The following HJURP variants were observed in gnomAD, a reference collection of about 807,000 sequenced individuals.
HJURP encodes 14-3-3-associated AKT substrate.
A neutral mutation model predicts 72.0 loss-of-function variants in HJURP; 49 were observed. That is an observed-to-expected ratio of 0.68 (90% CI 0.54 to 0.86). The LOEUF (loss-of-function observed/expected upper bound fraction) is 0.86. Ranked by LOEUF, HJURP falls within the 40% of genes least tolerant of loss-of-function variation. The pLI is 0.00. For missense variants in HJURP, 908 were observed against 936.3 expected, an observed-to-expected ratio of 0.97 and a Z score of 0.39; for synonymous variants, 357 against 347.1, an observed-to-expected ratio of 1.03 and a Z score of -0.32.
intron 1 of HJURP, 104 bp downstream of exon 1, chr2:233,854,280 C>T (rs1383117114): frequency 6.6e-6 from 5 of 753,946 alleles, no homozygotes; most frequent in Non-Finnish European, 8.5e-6. Flanking sequence ...TCCCCAACCC[C>T]CGCTCCGAGT....
At chr2:233,843,519 T>A (rs927356600) in intron 7 of HJURP, among the ~76,000 whole-genome samples, 1 of 152,066 alleles carries the variant, frequency 6.6e-6, no homozygotes, top group African/African-American at 2.4e-5. Context: ...AGCAATCAGG[T>A]CCAAATTCAG....
chr2:233,841,271 G>A lies in HJURP; in HGVS notation c.1509C>T (p.Asn503=). ...KAKSLSEAFE[N]LGKRSLEAGR... ...CTGCTTCCAGAGATCTTTTGCCTAG[G>A]TTTTCAAAAGCCTCACTTAAACTTT... Residue 503 remains asparagine, a synonymous_variant, in exon 8 of 9, where the codon AAC becomes AAT. Transcript: ENST00000411486. 2 of 1,614,060 alleles carry A rather than the reference G, an allele frequency of 1.2e-6. No homozygotes were observed. The highest frequency in any genetic ancestry group is 1.1e-5 in the South Asian group (1 of 91,086).
At chr2:233,847,020 A>G (rs115621885) in intron 5 of HJURP, among the ~76,000 whole-genome samples, 1,811 of 152,262 alleles carry the variant, frequency 0.012, 35 homozygotes, top group African/African-American at 0.041. Flanking sequence ...AATACTCCCT[A>G]GAACACCTCT....
Position 233,844,205 on chromosome 2 carries a change from C to CG in HJURP, c.573dup (p.Gly192ArgfsTer13). ...CATACAGTTTCTATGTCACACTCAC[C>CG]GGGGGCAGGCACGGCAGGTGAGGCC... On this transcript the variant is annotated frameshift_variant and splice_region_variant, in exon 7 of 9. Transcript: ENST00000411486. LOFTEE classifies it high-confidence loss of function. The CG allele has an allele frequency of 6.2e-7, 1 of 1,613,600 alleles. No homozygotes were observed. Among genetic ancestry groups the CG allele is most frequent in the South Asian group, 1.1e-5 (1 of 91,078 alleles).
chr2:233,848,126 C>A (rs1705412877), intron 4 of HJURP, among the ~76,000 whole-genome samples: 1 of 152,092 alleles, frequency 6.6e-6, no homozygotes, highest in Non-Finnish European at 1.5e-5. Flanking sequence ...ACTCAACACC[C>A]ATCACTAACT....
At position 233,854,503 on chromosome 2, in the gene HJURP, G is replaced by C; in HGVS notation, c.-3C>G. 1 of 1,606,868 alleles carries C rather than the reference G, an allele frequency of 6.2e-7. No homozygotes were observed. The highest frequency in any genetic ancestry group is 8.5e-7 in the Non-Finnish European group (1 of 1,175,634). ...ATGGCGCGCAGCGTACCCAGCATCGGACCCAGCCAGTACCCAAGCGCCAAC... is the reference window on the plus strand; with the variant it reads ...ATGGCGCGCAGCGTACCCAGCATCGCACCCAGCCAGTACCCAAGCGCCAAC... On this transcript the variant is annotated 5_prime_UTR_variant, in exon 1 of 9. Coordinates refer to ENST00000411486, the MANE Select transcript of HJURP (RefSeq NM_018410.5).
intron 4 of HJURP, among the ~76,000 whole-genome samples, chr2:233,848,065 A>T (rs1705411073): frequency 6.6e-6 from 1 of 152,084 alleles, no homozygotes; most frequent in African/African-American, 2.4e-5. Flanking sequence ...AAATATCCTC[A>T]TGAAGAGCTT....
At chr2:233,851,482 G>C (rs892142693) in intron 3 of HJURP, among the ~76,000 whole-genome samples, 1 of 152,118 alleles carries the variant, frequency 6.6e-6, no homozygotes, top group Non-Finnish European at 1.5e-5. Context: ...CCGGCCCTTT[G>C]TGGAAAAAGT....
rs200129834 is a variant in HJURP at position 233,840,667 on chromosome 2, C to T, written c.2113G>A (p.Asp705Asn). The change falls in exon 8 of 9, where the codon GAC (aspartate) becomes AAC (asparagine). Residue 705 changes from aspartate to asparagine, a missense_variant. Around this residue, in one of 3 missense-constraint regions of HJURP, gnomAD observed 598 missense variants for 619.5 expected, o/e 0.97. Coordinates refer to ENST00000411486, the MANE Select transcript of HJURP (RefSeq NM_018410.5). ...TGGTCTCCCGGTCTGACGGTGTTGTCCACCCCATCTGAGGCACCCAGGGAA... is the reference window on the plus strand; with the variant it reads ...TGGTCTCCCGGTCTGACGGTGTTGTTCACCCCATCTGAGGCACCCAGGGAA... The part of the protein sequence containing the change: ...GNSLGASDGV[D>N]NTVRPGDQGS... 5 of 1,613,546 alleles carry T rather than the reference C, an allele frequency of 3.1e-6. No homozygotes were observed. The highest frequency in any genetic ancestry group is 2.7e-5 in the African/African-American group (2 of 74,926).
chr2:233,849,774 A>T lies in HJURP; in HGVS notation c.326T>A (p.Val109Asp). The T allele has an allele frequency of 6.4e-7, 1 of 1,552,570 alleles. No individual in the cohort carries two copies. The highest frequency in any genetic ancestry group is 8.7e-7 in the Non-Finnish European group (1 of 1,147,628). Reference protein sequence around the residue: ...WGPELPSHRTVLGADSKSGEV... With the variant: ...WGPELPSHRTDLGADSKSGEV... ...AAGGCAACACTCACCGGCTCCCAGGACTGTGCGGTGCGAGGGAAGCTCAGG... is the reference window on the plus strand; with the variant it reads ...AAGGCAACACTCACCGGCTCCCAGGTCTGTGCGGTGCGAGGGAAGCTCAGG... Residue 109 changes from valine (V) to aspartate (D), a missense_variant, in exon 4 of 9, where the codon GTC (valine) becomes GAC (aspartate). Val to Asp is a radical substitution (Grantham distance 152). Transcript: ENST00000411486.
intron 4 of HJURP, among the ~76,000 whole-genome samples, chr2:233,848,742 C>T (rs1470730792): frequency 2.6e-5 from 4 of 152,304 alleles, no homozygotes; most frequent in East Asian, 1.9e-4. Context: ...GGCAGTAAAA[C>T]GCCCCCAGTT....
chr2:233,848,674 G>A (rs1705428653), intron 4 of HJURP, among the ~76,000 whole-genome samples: 1 of 152,202 alleles, frequency 6.6e-6, no homozygotes, highest in Admixed American at 6.5e-5. Context: ...CTGTCTGTCG[G>A]GCTGAGTCTT....
chr2:233,840,560 AG>A (rs772562420), intron 8 of HJURP, 48 bp downstream of exon 8: 101 of 1,516,854 alleles, frequency 6.7e-5, no homozygotes, highest in Non-Finnish European at 8.3e-5. Flanking sequence ...CTCTGTCCAA[AG>A]AGCAGTCACT....
At chr2:233,840,501 T>G in intron 8 of HJURP, 108 bp downstream of exon 8, 1 of 1,128,188 alleles carries the variant, frequency 8.9e-7, no homozygotes, top group South Asian at 1.6e-5. Flanking sequence ...ATGTAAGAAT[T>G]CGGCTGAGAT....
chr2:233,847,054 G>A (rs1446221156), intron 5 of HJURP, among the ~76,000 whole-genome samples: 2 of 152,172 alleles, frequency 1.3e-5, no homozygotes, highest in Non-Finnish European at 2.9e-5. Context: ...CCCTGTAGGG[G>A]AGACTGACCG....
chr2:233,839,286 C>T (rs1283847619), intron 8 of HJURP, among the ~76,000 whole-genome samples: 5 of 152,144 alleles, frequency 3.3e-5, no homozygotes, highest in Admixed American at 1.3e-4. Flanking sequence ...CCATGTGCAG[C>T]CCCTGGGAGG....
chr2:233,841,646 T>C lies in HJURP; in HGVS notation c.1134A>G (p.Lys378=), dbSNP rs1705233600. Residue 378 remains lysine, a synonymous_variant, in exon 8 of 9, where the codon AAA becomes AAG. Coordinates refer to ENST00000411486, the MANE Select transcript of HJURP (RefSeq NM_018410.5). ...HKLDPSWKER[K]VTPSKYSSLI... ...AGGAAGAATACTTCGAGGGTGTCAC[T>C]TTGCGCTCCTTCCAACTTGGATCTA... The C allele has an allele frequency of 6.2e-7, 1 of 1,614,234 alleles. No homozygotes were observed. Among genetic ancestry groups the C allele is most frequent in the Non-Finnish European group, 8.5e-7 (1 of 1,180,022 alleles).
At chr2:233,839,302 G>A (rs1705157695) in intron 8 of HJURP, among the ~76,000 whole-genome samples, 1 of 151,858 alleles carries the variant, frequency 6.6e-6, no homozygotes, top group South Asian at 2.1e-4. Context: ...GGAGGGTGGG[G>A]GTTACCTGCA....
intron 4 of HJURP, 22 bp from the exon 5 acceptor site, chr2:233,847,483 C>T (rs372487803): frequency 3.1e-6 from 5 of 1,607,662 alleles, no homozygotes; most frequent in Admixed American, 1.7e-5. Flanking sequence ...ACAAGTAAAT[C>T]TCAATCAGGA....
Sources: allele counts gnomAD v4.1 joint callset (sites outside exome capture counted in the v4.1 genomes callset), GRCh38; gene constraint gnomAD v4.1.1; regional missense constraint gnomAD v4.1.1; transcripts MANE v1.5; gene names NCBI Gene and HGNC (gene_info 2026-07-23, HGNC 2026-07-21).